Variants in TNFRSF19 observed in about 807,000 individuals in gnomAD.
TNFRSF19 encodes TNF receptor superfamily member 19.
In TNFRSF19, 27 loss-of-function variants were observed where a neutral mutation model predicts 46.4. The ratio of observed to expected loss-of-function variants is 0.58; its 90% CI spans 0.43 to 0.80. The LOEUF is 0.80. Among genes scored for constraint, TNFRSF19 ranks in the 30% least tolerant of loss-of-function variants. TNFRSF19 has a pLI of 0.00. For missense variants in TNFRSF19, 511 were observed against 530.8 expected (o/e 0.96, Z 0.37); for synonymous variants, 204 against 205.0 (o/e 1.00, Z 0.04).
intron 3 of TNFRSF19, among the ~76,000 whole-genome samples, chr13:23,608,002 A>T (rs1880631874): frequency 6.6e-6 from 1 of 152,196 alleles, no homozygotes; most frequent in Non-Finnish European, 1.5e-5. Context: ...GGTTTCTACC[A>T]TAAAAATGTG....
In TNFRSF19 at chr13:23,659,741, G is replaced by A. The variant is rs1010791256; in HGVS notation, c.610+527G>A. ...AGGCTGGTCTCGAACTCCTGACCTC[G>A]TGATCCGCCTGCCTCGGCCTCCCAA... On this transcript the variant is annotated intron_variant, in intron 6 of 9. Transcript: ENST00000248484. The surrounding 1 kb of genome is among the most constrained non-coding windows in gnomAD (Gnocchi z 4.9). 1.1e-4 allele frequency among the ~76,000 whole-genome samples: 17 copies of A among 152,150 alleles called. No individual in the cohort carries two copies. The highest frequency in any genetic ancestry group is 4.6e-4 in the Admixed American group (7 of 15,290).
At chr13:23,604,656 A>G (rs1880393538) in intron 3 of TNFRSF19, among the ~76,000 whole-genome samples, 1 of 152,142 alleles carries the variant, frequency 6.6e-6, no homozygotes, top group African/African-American at 2.4e-5. Flanking sequence ...GAAGAGACAA[A>G]CCAATCAGTG....
chr13:23,668,775 G>A lies in TNFRSF19; in HGVS notation c.923G>A (p.Trp308Ter). 6.2e-7 allele frequency: 1 copy of A among 1,614,226 alleles called. No homozygotes were observed. Among genetic ancestry groups the A allele is most frequent in the Non-Finnish European group, 8.5e-7 (1 of 1,180,044 alleles). The change falls in exon 9 of 10, where the codon TGG (tryptophan) becomes TAG (stop). Residue 308 changes from tryptophan to a stop codon, truncating the protein, a stop_gained. Coordinates refer to ENST00000248484, the MANE Select transcript of TNFRSF19 (RefSeq NM_148957.4). LOFTEE classifies it high-confidence loss of function. ...QSICGEFSDA[W>*]PLMQNPMGGD... Reference sequence around the variant, plus strand: ...ATCTGTGGCGAGTTTTCAGATGCCTGGCCTCTGATGCAGAATCCCATGGGT... The same window carrying A: ...ATCTGTGGCGAGTTTTCAGATGCCTAGCCTCTGATGCAGAATCCCATGGGT...
intron 7 of TNFRSF19, among the ~76,000 whole-genome samples, chr13:23,666,205 G>T (rs1392000897): frequency 6.6e-6 from 1 of 152,158 alleles, no homozygotes; most frequent in East Asian, 1.9e-4. Context: ...TGTTCTCTTT[G>T]TAATGAATAA....
chr13:23,650,054 T>C (rs1018942278), intron 5 of TNFRSF19, among the ~76,000 whole-genome samples: 11 of 152,216 alleles, frequency 7.2e-5, no homozygotes, highest in African/African-American at 2.4e-4. Context: ...ATTCTTAGAA[T>C]AGAATCCAGA....
intron 9 of TNFRSF19, chr13:23,669,637 A>G (rs1349984802): frequency 2.0e-6 from 2 of 984,968 alleles, no homozygotes; most frequent in African/African-American, 1.8e-5. Flanking sequence ...GTGACCTGAG[A>G]CCAGGTCATA....
chr13:23,623,102 C>T (rs186281011), intron 4 of TNFRSF19, among the ~76,000 whole-genome samples: 16 of 152,274 alleles, frequency 1.1e-4, no homozygotes, highest in Admixed American at 7.8e-4. Flanking sequence ...ACCCGTTAAA[C>T]AACTCCCCTT....
intron 4 of TNFRSF19, among the ~76,000 whole-genome samples, chr13:23,624,791 C>T (rs1465774582): frequency 6.6e-6 from 1 of 151,004 alleles, no homozygotes; most frequent in African/African-American, 2.4e-5. Context: ...ACTCTTGTTG[C>T]CCAGGCTGGA....
chr13:23,642,677 A>G (rs2138341221), intron 5 of TNFRSF19, among the ~76,000 whole-genome samples: 1 of 152,358 alleles, frequency 6.6e-6, no homozygotes, highest in Middle Eastern at 3.4e-3. Flanking sequence ...GCTTGTTATC[A>G]CACATGGACC....
At chr13:23,611,125 T>TGC (rs972897126) in intron 3 of TNFRSF19, among the ~76,000 whole-genome samples, 17 of 105,532 alleles carry the variant, frequency 1.6e-4, no homozygotes, top group South Asian at 7.6e-4. Flanking sequence ...CACACACATG[T>TGC]GCACACACAC....
intron 1 of TNFRSF19, among the ~76,000 whole-genome samples, chr13:23,581,495 A>C (rs1307322181): frequency 6.6e-6 from 1 of 152,114 alleles, no homozygotes; most frequent in East Asian, 1.9e-4. Flanking sequence ...CATTGCTCAC[A>C]TGTAAAAGTA....
At chr13:23,651,720 G>A (rs1883646101) in intron 5 of TNFRSF19, among the ~76,000 whole-genome samples, 2 of 151,784 alleles carry the variant, frequency 1.3e-5, no homozygotes, top group Admixed American at 1.3e-4. Context: ...AAAACAGGTT[G>A]GATTTGTAAA....
rs530592915 is a variant in TNFRSF19, at chr13:23,671,814, C to T, written c.1246-1558C>T. Among the ~76,000 whole-genome samples the T allele has an allele frequency of 6.6e-5, 10 of 152,270 alleles. No homozygotes were observed. The South Asian group carries it at 1.0e-3, about 16-fold the overall frequency. On this transcript the variant is annotated intron_variant, in intron 9 of 9. Transcript: ENST00000248484. Reference sequence around the variant, plus strand: ...TTGAGGCTGCAGTGAGCTAGGATCACGCCGCTGCACTCCAGCCTGGGCAAC... The same window carrying T: ...TTGAGGCTGCAGTGAGCTAGGATCATGCCGCTGCACTCCAGCCTGGGCAAC...
rs1044173040 is a variant in TNFRSF19, at chr13:23,660,762, T to C, written c.736+272T>C. On this transcript the variant is annotated intron_variant, in intron 7 of 9. Coordinates refer to ENST00000248484, the MANE Select transcript of TNFRSF19 (RefSeq NM_148957.4). ...GTTTGTCTTTCTTGTTTTGAGTCAG[T>C]TTATTTAAAATCACGGTAACCTTTG... Among the ~76,000 whole-genome samples the C allele has an allele frequency of 3.9e-5, 6 of 152,224 alleles. 1 individual carries two copies. The highest frequency in any genetic ancestry group is 1.4e-4 in the African/African-American group (6 of 41,456).
At chr13:23,586,749 C>T (rs1878872973) in intron 1 of TNFRSF19, among the ~76,000 whole-genome samples, 1 of 152,194 alleles carries the variant, frequency 6.6e-6, no homozygotes, top group South Asian at 2.1e-4. Flanking sequence ...AGCAGCCACT[C>T]TGTGTGCAGC....
chr13:23,652,738 T>G (rs564497955), intron 5 of TNFRSF19, among the ~76,000 whole-genome samples: 2 of 152,328 alleles, frequency 1.3e-5, no homozygotes, highest in African/African-American at 4.8e-5. Context: ...AATGAACACA[T>G]CATTGGCATA....
intron 1 of TNFRSF19, among the ~76,000 whole-genome samples, chr13:23,575,058 G>GC (rs1877867095): frequency 6.6e-6 from 1 of 152,136 alleles, no homozygotes; most frequent in Admixed American, 6.6e-5. Flanking sequence ...CCTGTTAAAT[G>GC]CCCCCCATTC....
intron 1 of TNFRSF19, among the ~76,000 whole-genome samples, chr13:23,573,084 G>A (rs746365884): frequency 6.6e-6 from 1 of 152,184 alleles, no homozygotes; most frequent in Non-Finnish European, 1.5e-5. Context: ...GGAAACTGAG[G>A]CTATAGAAAA....
intron 2 of TNFRSF19, among the ~76,000 whole-genome samples, chr13:23,591,384 C>T (rs1046603135): frequency 2.0e-5 from 3 of 151,934 alleles, no homozygotes; most frequent in Admixed American, 6.6e-5. Flanking sequence ...ACATGGGAGG[C>T]GGAGGTTTCA....
Sources: gnomAD v4.1 joint callset for allele counts (sites outside exome capture counted in the v4.1 genomes callset) on GRCh38, gnomAD v4.1.1 for gene constraint, Gnocchi (gnomAD v3.1) non-coding constraint, MANE v1.5 for transcripts, NCBI Gene and HGNC (gene_info 2026-07-23, HGNC 2026-07-21) for gene names.